Variants in NSD1 observed in about 807,000 individuals in gnomAD.
NSD1 encodes histone-lysine N-methyltransferase, H3 lysine-36 specific.
NSD1 carries 26 observed loss-of-function variants against 242.7 expected under a neutral mutation model. That is an observed-to-expected ratio of 0.11 (90% CI 0.08 to 0.15). NSD1 has a LOEUF of 0.15. Ranked by LOEUF, NSD1 falls within the 10% of genes least tolerant of loss-of-function variation. The pLI is 1.00. For synonymous variants in NSD1, 1,106 were observed against 1,178.1 expected, an observed-to-expected ratio of 0.94 and a Z score of 1.25; for missense variants, 2,495 against 3,272.8, an observed-to-expected ratio of 0.76 and a Z score of 5.80.
intron 14 of NSD1, 85 bp from the exon 15 acceptor site, chr5:177,267,477 A>G (rs878915554): frequency 3.8e-5 from 43 of 1,144,766 alleles, no homozygotes; most frequent in South Asian, 9.2e-5. Flanking sequence ...AAGAGAAAGA[A>G]AATATATATA....
chr5:177,150,405 CA>C (rs1757608451), intron 2 of NSD1, among the ~76,000 whole-genome samples: 1 of 152,134 alleles, frequency 6.6e-6, no homozygotes. Context: ...GCTGGGATTA[CA>C]GTCGTGAGCC....
At position 177,155,468 on chromosome 5, in the gene NSD1, C is replaced by T. The variant is rs554332926; in HGVS notation, c.927+19438C>T. Among the ~76,000 whole-genome samples, 53 of 147,310 alleles carry T rather than the reference C, an allele frequency of 3.6e-4. 1 individual carries two copies. In the South Asian group the frequency reaches 0.01, roughly 28 times the overall value. Reference sequence around the variant, plus strand: ...TAGTAGAGATGGGATTTCACCATGTCGGCTAAGCTGGTCTCGAACTCCTGA... The same window carrying T: ...TAGTAGAGATGGGATTTCACCATGTTGGCTAAGCTGGTCTCGAACTCCTGA... On this transcript the variant is annotated intron_variant, in intron 2 of 22. Transcript: ENST00000439151.
chr5:177,181,776 C>G (rs1164956165), intron 2 of NSD1, among the ~76,000 whole-genome samples: 3 of 151,504 alleles, frequency 2.0e-5, no homozygotes, highest in East Asian at 4.0e-4. Context: ...TGTGCTATTT[C>G]CTGTAATCCC....
At chr5:177,251,453 G>C (rs1755955106) in intron 11 of NSD1, among the ~76,000 whole-genome samples, 1 of 152,044 alleles carries the variant, frequency 6.6e-6, no homozygotes, top group Non-Finnish European at 1.5e-5. Context: ...TTATCTCTAT[G>C]CTCTTTTCTG....
intron 2 of NSD1, among the ~76,000 whole-genome samples, chr5:177,137,956 T>A (rs1374339379): frequency 2.6e-5 from 4 of 151,706 alleles, no homozygotes; most frequent in African/African-American, 9.7e-5. Flanking sequence ...GCAACTGTAA[T>A]CCCAGCTACT....
chr5:177,237,277 T>C (rs1392037957), intron 6 of NSD1, among the ~76,000 whole-genome samples: 3 of 152,172 alleles, frequency 2.0e-5, no homozygotes, highest in East Asian at 3.8e-4. Flanking sequence ...CTTTCATTAA[T>C]TGGACTCTGT....
intron 16 of NSD1, among the ~76,000 whole-genome samples, chr5:177,273,025 G>C (rs1758067056): frequency 6.6e-6 from 1 of 152,192 alleles, no homozygotes; most frequent in South Asian, 2.1e-4. Flanking sequence ...CTTTCTGCCA[G>C]AGGAGAGTGA....
chr5:177,246,853 G>C, intron 10 of NSD1, 57 bp downstream of exon 10: 1 of 1,201,630 alleles, frequency 8.3e-7, no homozygotes, highest in Admixed American at 1.7e-5. Flanking sequence ...TTTCACGCCA[G>C]AGGCCACATC....
chr5:177,265,277 TAAAA>T (rs370641855), intron 14 of NSD1: 6 of 558,756 alleles, frequency 1.1e-5, no homozygotes, highest in East Asian at 9.6e-5. Context: ...TCTGGACTGT[TAAAA>T]AAAAAAAGCA....
chr5:177,250,865 C>CCCTT (rs1157013635), intron 11 of NSD1, among the ~76,000 whole-genome samples: 2 of 152,102 alleles, frequency 1.3e-5, no homozygotes, highest in African/African-American at 4.8e-5. Context: ...GTCACCTTTC[C>CCCTT]CCTTGTTTGC....
intron 2 of NSD1, among the ~76,000 whole-genome samples, chr5:177,152,770 T>A (rs1358233509): frequency 6.7e-6 from 1 of 148,878 alleles, no homozygotes; most frequent in Non-Finnish European, 1.5e-5. Flanking sequence ...GGCCATTTCT[T>A]TTTTTTTTTT....
At chr5:177,265,627 T>C in intron 14 of NSD1, 2 of 1,556,394 alleles carry the variant, frequency 1.3e-6, no homozygotes, top group South Asian at 2.2e-5. Context: ...CCCTGAAATC[T>C]AGGTTGATGG....
intron 8 of NSD1, among the ~76,000 whole-genome samples, chr5:177,241,422 T>C (rs1765857980): frequency 6.6e-6 from 1 of 151,476 alleles, no homozygotes; most frequent in Non-Finnish European, 1.5e-5. Context: ...GGAGAATTGC[T>C]GGAACCTGGG....
At chr5:177,163,455 G>T (rs531069246) in intron 2 of NSD1, among the ~76,000 whole-genome samples, 13 of 152,052 alleles carry the variant, frequency 8.5e-5, no homozygotes. Context: ...AATTTCTTAC[G>T]TAGAAAGGCA....
intron 2 of NSD1, among the ~76,000 whole-genome samples, chr5:177,138,280 C>T (rs933142164): frequency 6.6e-6 from 1 of 151,880 alleles, no homozygotes; most frequent in Non-Finnish European, 1.5e-5. Flanking sequence ...TTTTTTGAGA[C>T]ACAGTCATGC....
At chr5:177,159,070 TCTCA>T (rs1244390341) in intron 2 of NSD1, among the ~76,000 whole-genome samples, 2 of 131,608 alleles carry the variant, frequency 1.5e-5, no homozygotes, top group Non-Finnish European at 1.5e-5. Context: ...TGAGATGGAG[TCTCA>T]CTCTGTCACC....
chr5:177,279,497 C>CA (rs1010363693), intron 17 of NSD1, among the ~76,000 whole-genome samples: 4 of 150,524 alleles, frequency 2.7e-5, no homozygotes, highest in African/African-American at 7.3e-5. Context: ...GACTCCCTCT[C>CA]AAAAAAAGGA....
At chr5:177,156,932 C>T (rs753211379) in intron 2 of NSD1, among the ~76,000 whole-genome samples, 3 of 151,958 alleles carry the variant, frequency 2.0e-5, no homozygotes, top group South Asian at 2.1e-4. Flanking sequence ...GATCGCACCA[C>T]GGCATTCCAG....
Position 177,210,017 on chromosome 5 carries a change from G to T in NSD1, c.1618G>T (p.Gly540Trp). 1 of 1,614,108 alleles carries T rather than the reference G, an allele frequency of 6.2e-7. No homozygotes were observed. The highest frequency in any genetic ancestry group is 8.5e-7 in the Non-Finnish European group (1 of 1,180,016). ...PENLGLNFIS[G>W]DISDTQASNE... The stretch of plus-strand genomic sequence containing the variant: ...GAACCTTGGCCTAAACTTTATCTCT[G>T]GGGATATATCTGATACGCAGGCCTC... Residue 540 changes from glycine to tryptophan, a missense_variant, in exon 5 of 23, where the codon GGG becomes TGG. Physicochemically the swap from Gly to Trp is radical, Grantham distance 184. Transcript: ENST00000439151.
Sources: gnomAD v4.1 joint callset for allele counts (sites outside exome capture counted in the v4.1 genomes callset) on GRCh38, gnomAD v4.1.1 for gene constraint, MANE v1.5 for transcripts, NCBI Gene and HGNC (gene_info 2026-07-23, HGNC 2026-07-21) for gene names.